The following DCAF6 variants were observed in gnomAD, a reference collection of about 807,000 sequenced individuals.
DCAF6 encodes DDB1- and CUL4-associated factor 6.
DCAF6 carries 54 observed loss-of-function variants against 125.1 expected under a neutral mutation model. That is an observed-to-expected ratio of 0.43 (90% CI 0.35 to 0.54). The LOEUF is 0.54. Among genes scored for constraint, DCAF6 ranks in the 20% least tolerant of loss-of-function variants. The pLI is 0.01. For missense variants in DCAF6, 934 were observed against 1,161.7 expected (o/e 0.80, Z 2.85); for synonymous variants, 371 against 390.4 (o/e 0.95, Z 0.58).
At chr1:168,052,540 A>G (rs1690078150) in intron 17 of DCAF6, among the ~76,000 whole-genome samples, 1 of 152,222 alleles carries the variant, frequency 6.6e-6, no homozygotes, top group Admixed American at 6.5e-5. Flanking sequence ...CAGTGAACAC[A>G]CATTTGTTCT....
the DCAF6 span, chr1:167,905,046 T>C: frequency 8.1e-6 from 13 of 1,614,202 alleles, no homozygotes; most frequent in Non-Finnish European, 1.1e-5. Flanking sequence ...AAAGGGTCGC[T>C]CTGGGGAGAA....
chr1:168,033,070 A>G (rs1207427615), intron 12 of DCAF6, among the ~76,000 whole-genome samples: 1 of 152,114 alleles, frequency 6.6e-6, no homozygotes, highest in Non-Finnish European at 1.5e-5. Flanking sequence ...ATCTTTTAGA[A>G]CCTCATGATT....
chr1:167,873,579 T>C, the DCAF6 span, among the ~76,000 whole-genome samples: 2 of 152,236 alleles, frequency 1.3e-5, no homozygotes, highest in East Asian at 3.8e-4. Flanking sequence ...GTCAATCTTC[T>C]TTGGGTCTCT....
At chr1:167,865,740 G>C in the DCAF6 span, among the ~76,000 whole-genome samples, 1 of 152,218 alleles carries the variant, frequency 6.6e-6, no homozygotes, top group Non-Finnish European at 1.5e-5. Context: ...GCAAATGCCT[G>C]GTTGAAATGG....
intron 5 of DCAF6, among the ~76,000 whole-genome samples, chr1:167,990,697 C>G (rs1204421841): frequency 6.6e-6 from 1 of 152,080 alleles, no homozygotes; most frequent in Non-Finnish European, 1.5e-5. Flanking sequence ...TTATTACCAT[C>G]TTTTTGTAGC....
At chr1:167,931,997 T>C (rs1325622485), upstream of DCAF6, among the ~76,000 whole-genome samples, 2 of 152,202 alleles carry the variant, frequency 1.3e-5, no homozygotes, top group Non-Finnish European at 2.9e-5. Flanking sequence ...ATGTTAAGAA[T>C]GATATTCTCA....
At chr1:167,883,690 G>A in the DCAF6 span, 24 of 1,504,618 alleles carry the variant, frequency 1.6e-5, no homozygotes, top group Non-Finnish European at 2.0e-5. Flanking sequence ...CCCCAACACC[G>A]CCCCCACCTC....
chr1:168,054,090 ACAG>A (rs1168370370), intron 17 of DCAF6, among the ~76,000 whole-genome samples: 1 of 152,250 alleles, frequency 6.6e-6, no homozygotes, highest in Non-Finnish European at 1.5e-5. Context: ...TGTTGAAATG[ACAG>A]CAATTCTAAC....
At chr1:167,984,755 T>C (rs1473777690) in intron 4 of DCAF6, among the ~76,000 whole-genome samples, 1 of 152,220 alleles carries the variant, frequency 6.6e-6, no homozygotes, top group Admixed American at 6.5e-5. Flanking sequence ...GGTATAAATC[T>C]TATTATTCTG....
At chr1:167,905,183 T>A in the DCAF6 span, 5 of 1,611,608 alleles carry the variant, frequency 3.1e-6, no homozygotes, top group East Asian at 1.1e-4. Context: ...CAGGAAGCAG[T>A]CTCCAAATAG....
At chr1:168,024,369 T>C (rs1686064061) in intron 12 of DCAF6, among the ~76,000 whole-genome samples, 1 of 152,226 alleles carries the variant, frequency 6.6e-6, no homozygotes, top group South Asian at 2.1e-4. Context: ...ATGACTCATA[T>C]GTCAATAGTA....
chr1:168,066,278 C>T (rs1436119670), intron 19 of DCAF6, 99 bp from the exon 20 acceptor site: 2 of 632,002 alleles, frequency 3.2e-6, no homozygotes, highest in Admixed American at 3.3e-5. Flanking sequence ...AATTGCTGTT[C>T]AAGGTTAGTT....
intron 2 of DCAF6, 124 bp downstream of exon 2, chr1:167,951,985 C>A: frequency 1.8e-6 from 1 of 553,316 alleles, no homozygotes. Context: ...TAAAGTTTTA[C>A]ATTAAAATAT....
At chr1:167,900,095 C>G in the DCAF6 span, among the ~76,000 whole-genome samples, 39 of 152,162 alleles carry the variant, frequency 2.6e-4, no homozygotes, top group Non-Finnish European at 1.2e-4. Flanking sequence ...TCCCAACAAC[C>G]ATTTCTCTCA....
chr1:167,951,696 G>A, intron 1 of DCAF6, 104 bp from the exon 2 acceptor site: 1 of 707,206 alleles, frequency 1.4e-6, no homozygotes. Flanking sequence ...TGAAATTAGA[G>A]CATGAATTTA....
chr1:168,038,329 G>T, intron 12 of DCAF6, 42 bp from the exon 13 acceptor site: 3 of 1,417,740 alleles, frequency 2.1e-6, no homozygotes, highest in Non-Finnish European at 2.9e-6. Context: ...TCTTTTTACT[G>T]GTTTCAGAGA....
At chr1:167,948,857 G>A (rs1673489462) in intron 1 of DCAF6, among the ~76,000 whole-genome samples, 1 of 152,100 alleles carries the variant, frequency 6.6e-6, no homozygotes, top group African/African-American at 2.4e-5. Flanking sequence ...TTGACATGTT[G>A]ATCAGGCTGG....
rs1474581526 is a variant in DCAF6, at chr1:168,004,596, T to A, written c.1181T>A (p.Val394Glu). The A allele has an allele frequency of 6.2e-7, 1 of 1,612,188 alleles. No individual in the cohort carries two copies. The highest frequency in any genetic ancestry group is 1.1e-5 in the South Asian group (1 of 90,840). Residue 394 changes from valine (V) to glutamate (E), a missense_variant, in exon 10 of 22, where the codon GTG becomes GAG. Physicochemically the swap from Val to Glu is moderately radical, Grantham distance 121. Transcript: ENST00000367840. ...GTCCCATCAAGTCCTGATTTGGAAGTGAGTGAAACTGCAATGGAAGTAGAT... is the reference window on the plus strand; with the variant it reads ...GTCCCATCAAGTCCTGATTTGGAAGAGAGTGAAACTGCAATGGAAGTAGAT... ...PTVPSSPDLE[V>E]SETAMEVDTP...
At chr1:167,990,712 G>A (rs974135557) in intron 5 of DCAF6, among the ~76,000 whole-genome samples, 3 of 151,994 alleles carry the variant, frequency 2.0e-5, no homozygotes, top group African/African-American at 7.3e-5. Context: ...TGTAGCTGGC[G>A]CTGTTCTAGT....
Sources: allele counts gnomAD v4.1 joint callset (sites outside exome capture counted in the v4.1 genomes callset), GRCh38; gene constraint gnomAD v4.1.1; transcripts MANE v1.5; gene names NCBI Gene and HGNC (gene_info 2026-07-23, HGNC 2026-07-21).